NSG1: variants seen among roughly 807,000 people sequenced by gnomAD.
NSG1 encodes the protein neuronal vesicle trafficking associated 1, also known as neuronal vesicle trafficking-associated protein 1.
NSG1 carries 9 observed loss-of-function variants against 19.3 expected under a neutral mutation model. The observed-to-expected ratio is 0.47, with a 90% CI of 0.28 to 0.81. The LOEUF is 0.81. Among genes scored for constraint, NSG1 ranks in the 40% least tolerant of loss-of-function variants. The pLI is 0.11. For missense variants in NSG1, 236 were observed against 242.4 expected (o/e 0.97, Z 0.18); for synonymous variants, 104 against 107.0 (o/e 0.97, Z 0.17).
intron 2 of NSG1, among the ~76,000 whole-genome samples, chr4:4,388,310 C>T (rs1028734357): frequency 1.3e-5 from 2 of 152,240 alleles, no homozygotes; most frequent in African/African-American, 4.8e-5. Context: ...GGTCTCCTTC[C>T]TCTTTGTTCC....
chr4:4,400,613 C>A (rs577132228), intron 3 of NSG1, among the ~76,000 whole-genome samples: 62 of 152,304 alleles, frequency 4.1e-4, no homozygotes, highest in Non-Finnish European at 6.9e-4. Flanking sequence ...TTTATATCCT[C>A]TTTAAGTTCC....
chr4:4,396,749 G>C (rs773016134), intron 3 of NSG1, among the ~76,000 whole-genome samples: 11 of 136,706 alleles, frequency 8.0e-5, no homozygotes. Context: ...AGCTTCCTGC[G>C]TGCGCATCTG....
intron 3 of NSG1, among the ~76,000 whole-genome samples, chr4:4,402,759 T>G (rs1723637772): frequency 6.6e-6 from 1 of 152,142 alleles, no homozygotes. Context: ...GGCCCGGGTG[T>G]GGGCCCCGCA....
rs554089875 is a variant in NSG1 at position 4,405,227 on chromosome 4, G to A, written c.247-4346G>A. Among the ~76,000 whole-genome samples the A allele has an allele frequency of 5.9e-5, 9 of 152,196 alleles. No individual in the cohort carries two copies. The South Asian group carries it at 6.2e-4, about 11-fold the overall frequency. On this transcript the variant is annotated intron_variant, in intron 3 of 4. Coordinates refer to ENST00000621129, the MANE Select transcript of NSG1 (RefSeq NM_014392.5). Reference sequence around the variant, plus strand: ...TGTAGACACAGTGCTGTAATCTTCCGTCCTCACGCGGCCCTCTCCCTATAT... The same window carrying A: ...TGTAGACACAGTGCTGTAATCTTCCATCCTCACGCGGCCCTCTCCCTATAT...
At chr4:4,407,373 T>C (rs1723923890) in intron 3 of NSG1, among the ~76,000 whole-genome samples, 1 of 151,514 alleles carries the variant, frequency 6.6e-6, no homozygotes, top group Non-Finnish European at 1.5e-5. Flanking sequence ...GGAGTTGTAG[T>C]GGGTCTGAGC....
intron 3 of NSG1, among the ~76,000 whole-genome samples, chr4:4,395,746 C>T (rs1723219506): frequency 6.6e-6 from 1 of 152,202 alleles, no homozygotes; most frequent in Non-Finnish European, 1.5e-5. Context: ...CAGCCATCAT[C>T]TTAGCTCTTT....
chr4:4,414,055 T>G (rs1724378233), intron 4 of NSG1, among the ~76,000 whole-genome samples: 1 of 152,042 alleles, frequency 6.6e-6, no homozygotes, highest in Non-Finnish European at 1.5e-5. Context: ...AACTGGCTAC[T>G]TACAAATAAC....
rs1218117683 is a variant in NSG1 at position 4,418,461 on chromosome 4, A to C, written c.*1026A>C. The C allele has an allele frequency of 6.5e-6, 1 of 152,728 alleles. No individual in the cohort carries two copies. The highest frequency in any genetic ancestry group is 2.4e-5 in the African/African-American group (1 of 41,462). 9.5% of individuals were successfully genotyped at this position (152,728 alleles called of 1,614,324 possible). A position where few individuals can be genotyped will look rare whatever the true frequency, so the allele number is the denominator to read the frequency against. On this transcript the variant is annotated 3_prime_UTR_variant, in exon 5 of 5. Transcript: ENST00000621129. Reference sequence around the variant, plus strand: ...GTGGGGGACTGGTGTGGCACCGTGCAAACAAAATGACAAATTTCAACTCAC... The same window carrying C: ...GTGGGGGACTGGTGTGGCACCGTGCCAACAAAATGACAAATTTCAACTCAC...
intron 3 of NSG1, among the ~76,000 whole-genome samples, chr4:4,406,772 G>A (rs1723881827): frequency 6.6e-6 from 1 of 152,180 alleles, no homozygotes; most frequent in Non-Finnish European, 1.5e-5. Context: ...CAGACTCCCG[G>A]CCAGTGAGCT....
At chr4:4,396,347 C>T (rs1328686453) in intron 3 of NSG1, among the ~76,000 whole-genome samples, 2 of 152,162 alleles carry the variant, frequency 1.3e-5, no homozygotes, top group Non-Finnish European at 2.9e-5. Context: ...TTCGTGATTC[C>T]GGTGATGACC....
chr4:4,393,478 T>C (rs1425057897), intron 3 of NSG1, among the ~76,000 whole-genome samples: 1 of 152,172 alleles, frequency 6.6e-6, no homozygotes, highest in Admixed American at 6.5e-5. Flanking sequence ...CAGAAGACCA[T>C]GGGTGATTAT....
chr4:4,387,854 C>G lies in NSG1; in HGVS notation c.129+96C>G, dbSNP rs556447725. 1.7e-4 allele frequency: 177 copies of G among 1,053,098 alleles called. No homozygotes were observed. In the East Asian group the frequency reaches 2.7e-3, roughly 16 times the overall value. The allele number at this position is 1,053,098 out of a possible 1,614,324, so 65.2% of individuals were successfully genotyped here. A position where few individuals can be genotyped will look rare whatever the true frequency, so the allele number is the denominator to read the frequency against. On this transcript the variant is annotated intron_variant, in intron 2 of 4. Transcript: ENST00000621129. ...AGAAACGCGCCGCGTGCGCTGGGTA[C>G]GCGAAGTGGGGGCGGGCTCGGGAGG...
chr4:4,387,559 C>A, intron 1 of NSG1, 45 bp from the exon 2 acceptor site: 3 of 1,121,222 alleles, frequency 2.7e-6, no homozygotes, highest in Non-Finnish European at 3.8e-6. Context: ...CCCGCCCCGC[C>A]CCGGGTCTTG....
rs1215482313 is a variant in NSG1, at chr4:4,417,346, A to G, written c.469A>G (p.Ile157Val). Residue 157 changes from isoleucine (I) to valine (V), a missense_variant, in exon 5 of 5, where the codon ATC (isoleucine) becomes GTC (valine). Transcript: ENST00000621129. ...CCACTACAACCTGGCCAAGCAGAGCATCACGCGCTCCGTATCGCCCTGGAT... is the reference window on the plus strand; with the variant it reads ...CCACTACAACCTGGCCAAGCAGAGCGTCACGCGCTCCGTATCGCCCTGGAT... ...INHYNLAKQSITRSVSPWMSV... is the reference protein window; with the variant it reads ...INHYNLAKQSVTRSVSPWMSV... 1 of 1,614,192 alleles carries G rather than the reference A, an allele frequency of 6.2e-7. No individual in the cohort carries two copies. The highest frequency in any genetic ancestry group is 8.5e-7 in the Non-Finnish European group (1 of 1,180,040).
Position 4,409,674 on chromosome 4 carries a change from C to T in NSG1, c.348C>T (p.Phe116=), listed in dbSNP as rs376799919. ...ATGACCGCGCCTGCCCCGATGGGTTCGTCCTCAAGGTAAAACTCCGTTTTC... is the reference window on the plus strand; with the variant it reads ...ATGACCGCGCCTGCCCCGATGGGTTTGTCCTCAAGGTAAAACTCCGTTTTC... The part of the protein sequence containing the change: ...YKYDRACPDG[F]VLKNTQCIPE... Residue 116 remains phenylalanine, a synonymous_variant, in exon 4 of 5, where the codon TTC becomes TTT. Transcript: ENST00000621129. 7 of 1,613,580 alleles carry T rather than the reference C, an allele frequency of 4.3e-6. No homozygotes were observed. The highest frequency in any genetic ancestry group is 1.3e-5 in the African/African-American group (1 of 74,912).
chr4:4,390,699 A>G (rs1220743795), intron 2 of NSG1, among the ~76,000 whole-genome samples: 3 of 152,208 alleles, frequency 2.0e-5, no homozygotes, highest in Non-Finnish European at 4.4e-5. Context: ...CCAGTGGGAC[A>G]GAGAAGTAAA....
chr4:4,416,121 C>T (rs1724521659), intron 4 of NSG1: 1 of 702,446 alleles, frequency 1.4e-6, no homozygotes, highest in Non-Finnish European at 2.6e-6. Flanking sequence ...TCCTCAGCAA[C>T]ACGGTGGTGT....
chr4:4,390,391 T>A (rs1435286425), intron 2 of NSG1, among the ~76,000 whole-genome samples: 1 of 152,234 alleles, frequency 6.6e-6, no homozygotes, highest in Non-Finnish European at 1.5e-5. Context: ...TCCGCTGTTC[T>A]TTCTCCCCAA....
chr4:4,415,190 T>C (rs1489861560), intron 4 of NSG1, among the ~76,000 whole-genome samples: 1 of 152,198 alleles, frequency 6.6e-6, no homozygotes, highest in Non-Finnish European at 1.5e-5. Flanking sequence ...ATTATAGGCA[T>C]GAGCCATCGC....
Sources: allele counts gnomAD v4.1 joint callset (sites outside exome capture counted in the v4.1 genomes callset), GRCh38; gene constraint gnomAD v4.1.1; transcripts MANE v1.5; gene names NCBI Gene and HGNC (gene_info 2026-07-23, HGNC 2026-07-21).